MRPS27: variants seen among roughly 807,000 people sequenced by gnomAD.
The protein encoded by MRPS27 is mitochondrial ribosomal protein S27.
Under a neutral mutation model 48.9 loss-of-function variants are expected in MRPS27, and 43 were observed. The observed-to-expected ratio is 0.88, with a 90% CI of 0.69 to 1.13. The LOEUF is 1.13. Ranked by LOEUF, MRPS27 falls within the 50% of genes most tolerant of loss-of-function variation. The pLI is 0.00. For synonymous variants in MRPS27, 188 were observed against 171.9 expected (o/e 1.09, Z -0.73); for missense variants, 467 against 476.3 (o/e 0.98, Z 0.18).
intron 4 of MRPS27, among the ~76,000 whole-genome samples, chr5:72,239,560 G>A (rs1748296435): frequency 6.6e-6 from 1 of 152,118 alleles, no homozygotes; most frequent in African/African-American, 2.4e-5. Context: ...GAGTGACGTG[G>A]CCAGAGAAAG....
At chr5:72,277,442 A>G (rs567734885) in intron 4 of MRPS27, among the ~76,000 whole-genome samples, 2 of 152,208 alleles carry the variant, frequency 1.3e-5, no homozygotes, top group East Asian at 1.9e-4. Context: ...CGTCTCTACT[A>G]AAAATACAAA....
chr5:72,265,102 G>A (rs910570679), intron 4 of MRPS27, among the ~76,000 whole-genome samples: 1 of 152,154 alleles, frequency 6.6e-6, no homozygotes, highest in African/African-American at 2.4e-5. Context: ...TGTGTAATAG[G>A]CAATTACTGA....
chr5:72,297,237 T>A (rs1750004472), intron 3 of MRPS27, among the ~76,000 whole-genome samples: 1 of 152,208 alleles, frequency 6.6e-6, no homozygotes, highest in Non-Finnish European at 1.5e-5. Flanking sequence ...TGCTGCAGTT[T>A]AACTTTAACA....
chr5:72,305,109 C>T (rs1750225847), intron 2 of MRPS27, among the ~76,000 whole-genome samples: 1 of 152,124 alleles, frequency 6.6e-6, no homozygotes, highest in Non-Finnish European at 1.5e-5. Flanking sequence ...TTTTAGACTT[C>T]CTTCTATTTG....
intron 1 of MRPS27, 79 bp downstream of exon 1, chr5:72,320,070 C>T: frequency 4.8e-6 from 7 of 1,459,118 alleles, no homozygotes; most frequent in Non-Finnish European, 6.7e-6. Flanking sequence ...AGAAACGTTT[C>T]CTCTCCTCTT....
Position 72,221,145 on chromosome 5 carries a change from A to C in MRPS27, c.1009T>G (p.Leu337Val). 4 of 1,613,662 alleles carry C rather than the reference A, an allele frequency of 2.5e-6. No individual in the cohort carries two copies. Among genetic ancestry groups the C allele is most frequent in the Non-Finnish European group, 3.4e-6 (4 of 1,179,866 alleles). ...CCCAGAGCTTGAAGCTTAGAATGTA[A>C]GGCCTGTTGGAAACAAATGGGAAAA... ...LPQYLERFKA[L>V]HSKLQALGKI... Residue 337 changes from leucine to valine, a missense_variant, in exon 11 of 11, where the codon TTA (leucine) becomes GTA (valine). Transcript: ENST00000261413.
At chr5:72,258,032 C>CACGACAGG (rs898041200) in intron 4 of MRPS27, among the ~76,000 whole-genome samples, 1 of 146,284 alleles carries the variant, frequency 6.8e-6, no homozygotes, top group Non-Finnish European at 1.5e-5. Context: ...TGCAGTGAGC[C>CACGACAGG]ACGACAGGGC....
intron 4 of MRPS27, among the ~76,000 whole-genome samples, chr5:72,281,937 T>C (rs1376735481): frequency 6.6e-6 from 1 of 152,236 alleles, no homozygotes; most frequent in Non-Finnish European, 1.5e-5. Context: ...AATACACTGT[T>C]CATGTGCTGT....
At chr5:72,305,720 T>C (rs1750245400) in intron 2 of MRPS27, among the ~76,000 whole-genome samples, 3 of 152,232 alleles carry the variant, frequency 2.0e-5, no homozygotes, top group Admixed American at 2.0e-4. Context: ...TCAAGAAAAC[T>C]TCCTCTCATG....
chr5:72,284,835 C>T (rs1432946285), intron 4 of MRPS27, among the ~76,000 whole-genome samples: 1 of 152,088 alleles, frequency 6.6e-6, no homozygotes. Flanking sequence ...ATAAAGCTTC[C>T]TCATTCTTTT....
intron 4 of MRPS27, among the ~76,000 whole-genome samples, chr5:72,283,302 G>T (rs1016634999): frequency 6.6e-6 from 1 of 152,008 alleles, no homozygotes; most frequent in African/African-American, 2.4e-5. Flanking sequence ...TTTTTTTCTA[G>T]GTTTAATTAA....
At chr5:72,234,493 A>C (rs1207353750) in intron 5 of MRPS27, among the ~76,000 whole-genome samples, 6 of 152,016 alleles carry the variant, frequency 3.9e-5, no homozygotes, top group Admixed American at 3.9e-4. Flanking sequence ...TAAAAGAAAA[A>C]AGAAAAAAAG....
At chr5:72,286,391 A>C (rs1216218439) in intron 4 of MRPS27, among the ~76,000 whole-genome samples, 2 of 152,246 alleles carry the variant, frequency 1.3e-5, no homozygotes, top group African/African-American at 4.8e-5. Flanking sequence ...GCATTAAAAT[A>C]GATAATAGAA....
chr5:72,251,097 CTGAGTTAAGTA>C (rs1748652961), intron 4 of MRPS27, among the ~76,000 whole-genome samples: 1 of 152,338 alleles, frequency 6.6e-6, no homozygotes, highest in East Asian at 1.9e-4. Flanking sequence ...CTAAGGGCCA[CTGAGTTAAGTA>C]TGAACTCTTA....
chr5:72,302,384 T>TA (rs1750148519), intron 2 of MRPS27, among the ~76,000 whole-genome samples: 1 of 152,170 alleles, frequency 6.6e-6, no homozygotes, highest in South Asian at 2.1e-4. Flanking sequence ...ACGAGAGACT[T>TA]AAACAATAGC....
At chr5:72,248,672 A>AG in intron 4 of MRPS27, among the ~76,000 whole-genome samples, 1 of 130,748 alleles carries the variant, frequency 7.6e-6, no homozygotes, top group Non-Finnish European at 1.6e-5. Flanking sequence ...TTTCATTTAA[A>AG]AAAAAAAAAA....
intron 2 of MRPS27, among the ~76,000 whole-genome samples, chr5:72,308,686 TAA>T (rs1289108553): frequency 6.6e-6 from 1 of 152,136 alleles, no homozygotes; most frequent in Non-Finnish European, 1.5e-5. Context: ...AACGCTCAAA[TAA>T]AAATGAGGGA....
At chr5:72,230,571 A>G (rs549756680) in intron 7 of MRPS27, among the ~76,000 whole-genome samples, 52 of 152,172 alleles carry the variant, frequency 3.4e-4, no homozygotes, top group Non-Finnish European at 5.6e-4. Flanking sequence ...CTGTGGTCCA[A>G]CACATTCCTG....
chr5:72,258,909 C>T (rs1017269695), intron 4 of MRPS27, among the ~76,000 whole-genome samples: 1 of 152,208 alleles, frequency 6.6e-6, no homozygotes, highest in Non-Finnish European at 1.5e-5. Flanking sequence ...ACATCTCTCC[C>T]AGCTGCAAAT....
Sources: gnomAD v4.1 joint callset for allele counts (sites outside exome capture counted in the v4.1 genomes callset) on GRCh38, gnomAD v4.1.1 for gene constraint, MANE v1.5 for transcripts, NCBI Gene and HGNC (gene_info 2026-07-23, HGNC 2026-07-21) for gene names.